ELOA: variants seen among roughly 807,000 people sequenced by gnomAD.
ELOA encodes the protein elongin-A.
A neutral mutation model predicts 85.2 loss-of-function variants in ELOA; 15 were observed. The ratio of observed to expected loss-of-function variants is 0.18; its 90% CI spans 0.12 to 0.27. The LOEUF is 0.27. ELOA is among the 10% of genes least tolerant of loss of function. The probability of loss-of-function intolerance (pLI) is 1.00; values close to 1 mark genes in which losing one functional copy is unlikely to be tolerated. For synonymous variants in ELOA, 348 were observed against 357.2 expected, an observed-to-expected ratio of 0.97 and a Z score of 0.29; for missense variants, 769 against 952.7, an observed-to-expected ratio of 0.81 and a Z score of 2.54.
Position 23,759,820 on chromosome 1 carries a change from T to G in ELOA, c.*247T>G. ...CTCACTGAGGATTTTAAAGGTCAAT[T>G]ATACTTTTGTTGTTCATTAGCATCT... is the stretch of plus-strand genomic sequence containing the variant. On this transcript the variant is annotated 3_prime_UTR_variant, in exon 11 of 11. Transcript: ENST00000613537. 1.9e-6 allele frequency: 1 copy of G among 514,802 alleles called. No individual in the cohort carries two copies. The highest frequency in any genetic ancestry group is 3.5e-6 in the Non-Finnish European group (1 of 288,092). The allele number at this position is 514,802 out of a possible 1,614,324, so 31.9% of individuals were successfully genotyped here.
intron 10 of ELOA, among the ~76,000 whole-genome samples, chr1:23,757,594 G>GT (rs1193628748): frequency 6.6e-6 from 1 of 152,090 alleles, no homozygotes; most frequent in Non-Finnish European, 1.5e-5. Flanking sequence ...TGCCTTCCAG[G>GT]TTCATGCCAT....
Position 23,752,531 on chromosome 1 carries a change from ATCT to A in ELOA, c.1537+18_1537+20del, listed in dbSNP as rs757887795. 2 of 1,609,258 alleles carry A rather than the reference ATCT, an allele frequency of 1.2e-6. No homozygotes were observed. The highest frequency in any genetic ancestry group is 2.2e-5 in the East Asian group (1 of 44,836). ...CCAAAGCGAAAAGGTAATTTTCTAT[ATCT>A]TCTTTTTCTTAATGGGAAAAAGATT... is the stretch of plus-strand genomic sequence containing the variant. On this transcript the variant is annotated intron_variant, in intron 5 of 10. Coordinates refer to ENST00000613537, the MANE Select transcript of ELOA (RefSeq NM_003198.3).
chr1:23,755,873 A>G lies in ELOA; in HGVS notation c.1822A>G (p.Lys608Glu). ...AATTGAAGAAACAGATCAATTATGG[A>G]AAGTTCATTGTCACCGAGACTTTAA... ...VLIEETDQLWKVHCHRDFKEE... is the reference protein window; with the variant it reads ...VLIEETDQLWEVHCHRDFKEE... Residue 608 changes from lysine to glutamate, a missense_variant, in exon 8 of 11, where the codon AAA (lysine) becomes GAA (glutamate). This residue lies in a region of ELOA where 193 missense variants were observed against 278.9 expected (regional missense o/e 0.69). Coordinates refer to ENST00000613537, the MANE Select transcript of ELOA (RefSeq NM_003198.3). 1 of 1,611,860 alleles carries G rather than the reference A, an allele frequency of 6.2e-7. No individual in the cohort carries two copies. The highest frequency in any genetic ancestry group is 1.7e-5 in the Admixed American group (1 of 59,122).
chr1:23,752,705 G>A (rs958235908), intron 5 of ELOA, among the ~76,000 whole-genome samples, 187 bp downstream of exon 5: 25 of 152,202 alleles, frequency 1.6e-4, no homozygotes, highest in African/African-American at 5.5e-4. Context: ...CACTTTGGGA[G>A]GCCGAGGCGG....
chr1:23,759,436 C>T, intron 10 of ELOA, 76 bp from the exon 11 acceptor site: 1 of 1,453,316 alleles, frequency 6.9e-7, no homozygotes, highest in Admixed American at 1.7e-5. Context: ...GCAGAGCTGG[C>T]TTTGACTGTA....
chr1:23,758,805 C>A (rs533051973), intron 10 of ELOA, among the ~76,000 whole-genome samples: 24 of 151,906 alleles, frequency 1.6e-4, no homozygotes, highest in African/African-American at 5.3e-4. Context: ...TGCATAGCCA[C>A]CTTAGACCTG....
intron 1 of ELOA, among the ~76,000 whole-genome samples, chr1:23,747,708 C>T (rs1173503507): frequency 6.6e-6 from 1 of 152,192 alleles, no homozygotes; most frequent in East Asian, 1.9e-4. Flanking sequence ...ATAATTTTCA[C>T]TCATCTATGA....
At chr1:23,747,131 G>C (rs1644750553) in intron 1 of ELOA, among the ~76,000 whole-genome samples, 1 of 152,156 alleles carries the variant, frequency 6.6e-6, no homozygotes, top group South Asian at 2.1e-4. Flanking sequence ...TGTTGGCTTT[G>C]TAGAGGTCCT....
At chr1:23,744,915 A>G (rs1287537306) in intron 1 of ELOA, among the ~76,000 whole-genome samples, 1 of 152,164 alleles carries the variant, frequency 6.6e-6, no homozygotes, top group East Asian at 1.9e-4. Context: ...GCTGAAAGTC[A>G]GTGCTCAGAA....
In ELOA at chr1:23,750,270, G is replaced by A. The variant is rs1021397136; in HGVS notation, c.239+322G>A. 4.3e-5 allele frequency among the ~76,000 whole-genome samples: 6 copies of A among 138,052 alleles called. No individual in the cohort carries two copies. The Admixed American group carries it at 5.0e-4, about 12-fold the overall frequency. The allele number at this position is 138,052 out of a possible 152,430, so 90.6% of individuals were successfully genotyped here. On this transcript the variant is annotated intron_variant, in intron 3 of 10. Transcript: ENST00000613537. ...GGCTCACTGCAAGCTCCGCCTCCCA[G>A]GTTCACGCCATTCTCCTGCCTCAGC...
intron 10 of ELOA, among the ~76,000 whole-genome samples, chr1:23,758,278 T>TTTTA (rs1638237656): frequency 9.3e-6 from 1 of 107,714 alleles, no homozygotes; most frequent in African/African-American, 3.6e-5. Context: ...TTTTTTTTTT[T>TTTTA]TTTTTTTTTT....
chr1:23,754,093 C>T lies in ELOA; in HGVS notation c.1538-7C>T. ...TTAGGGCCTTTTGTGTTTTTCTTGCCCTATAGCGTTCTCTTCACCCCAGGA... is the reference window on the plus strand; with the variant it reads ...TTAGGGCCTTTTGTGTTTTTCTTGCTCTATAGCGTTCTCTTCACCCCAGGA... On this transcript the variant is annotated splice_polypyrimidine_tract_variant and splice_region_variant and intron_variant, in intron 5 of 10. Coordinates refer to ENST00000613537, the MANE Select transcript of ELOA (RefSeq NM_003198.3). 1 of 1,613,694 alleles carries T rather than the reference C, an allele frequency of 6.2e-7. No individual in the cohort carries two copies. Among genetic ancestry groups the T allele is most frequent in the Non-Finnish European group, 8.5e-7 (1 of 1,179,840 alleles).
chr1:23,754,644 T>G (rs559508805), intron 7 of ELOA, among the ~76,000 whole-genome samples, 184 bp downstream of exon 7: 2 of 152,362 alleles, frequency 1.3e-5, no homozygotes, highest in East Asian at 3.9e-4. Context: ...CCTGGCACCT[T>G]AAGTGGGCCT....
At chr1:23,746,774 A>G (rs1644749143) in intron 1 of ELOA, among the ~76,000 whole-genome samples, 1 of 152,118 alleles carries the variant, frequency 6.6e-6, no homozygotes, top group African/African-American at 2.4e-5. Flanking sequence ...GTACCTTGCA[A>G]ATGTTTGATA....
Position 23,761,509 on chromosome 1 carries a change from A to C in ELOA, c.*1936A>C, listed in dbSNP as rs1052264901. 1 of 152,134 alleles carries C rather than the reference A, an allele frequency of 6.6e-6. No individual in the cohort carries two copies. Among genetic ancestry groups the C allele is most frequent in the Non-Finnish European group, 1.5e-5 (1 of 68,022 alleles). The allele number at this position is 152,134 out of a possible 1,614,324, so 9.4% of individuals were successfully genotyped here. A position where few individuals can be genotyped will look rare whatever the true frequency, so the allele number is the denominator to read the frequency against. ...TAGGCAGGGAGGGAAGAAAAAACAG[A>C]TTTGTTCATAGCAATGTCAGTATCC... On this transcript the variant is annotated 3_prime_UTR_variant, in exon 11 of 11. Coordinates refer to ENST00000613537, the MANE Select transcript of ELOA (RefSeq NM_003198.3).
chr1:23,753,983 C>A, intron 5 of ELOA, 117 bp from the exon 6 acceptor site: 1 of 1,277,244 alleles, frequency 7.8e-7, no homozygotes. Context: ...CTGGAAGGAT[C>A]TACAAAAATC....
intron 1 of ELOA, among the ~76,000 whole-genome samples, chr1:23,745,814 AT>A (rs1644743450): frequency 6.6e-6 from 1 of 152,188 alleles, no homozygotes; most frequent in African/African-American, 2.4e-5. Context: ...CTTTCAAACC[AT>A]TATTAGCCAA....
At position 23,748,019 on chromosome 1, in the gene ELOA, A is replaced by T. The variant is rs188002352; in HGVS notation, c.76-1002A>T. Reference sequence around the variant, plus strand: ...GGTAAGTATGTTTAGATACACGTAGACATTTCCTAGAGAAAGGTTTGGCCA... The same window carrying T: ...GGTAAGTATGTTTAGATACACGTAGTCATTTCCTAGAGAAAGGTTTGGCCA... On this transcript the variant is annotated intron_variant, in intron 1 of 10. Transcript: ENST00000613537. 2.6e-5 allele frequency among the ~76,000 whole-genome samples: 4 copies of T among 152,342 alleles called. No homozygotes were observed. In the East Asian group the frequency reaches 7.7e-4, roughly 29 times the overall value.
In ELOA at chr1:23,743,518, G is replaced by C. The variant is rs1020081769; in HGVS notation, c.15G>C (p.Ser5=). 6.7e-6 allele frequency: 10 copies of C among 1,503,146 alleles called. No homozygotes were observed. The highest frequency in any genetic ancestry group is 6.2e-6 in the Non-Finnish European group (7 of 1,131,376). The allele number at this position is 1,503,146 out of a possible 1,614,324, so 93.1% of individuals were successfully genotyped here. Residue 5 remains serine (S), a synonymous_variant, in exon 1 of 11, where the codon TCG becomes TCC. Transcript: ENST00000613537. MAAE[S]ALQVVEKLQA... ...CAGTGACAGCGATGGCGGCGGAGTC[G>C]GCGCTCCAAGTTGTGGAGAAGCTGC...
Sources: gnomAD v4.1 joint callset for allele counts (sites outside exome capture counted in the v4.1 genomes callset) on GRCh38, gnomAD v4.1.1 for gene constraint, gnomAD v4.1.1 regional missense constraint, MANE v1.5 for transcripts, NCBI Gene and HGNC (gene_info 2026-07-23, HGNC 2026-07-21) for gene names.